The following RAB3C variants were observed in gnomAD, a reference collection of about 807,000 sequenced individuals.
RAB3C encodes the protein RAB3C, member RAS oncogene family, also known as ras-related protein Rab-3C.
In RAB3C, 17 loss-of-function variants were observed where a neutral mutation model predicts 26.4. The observed-to-expected ratio is 0.64, with a 90% confidence interval of 0.44 to 0.97. RAB3C has a LOEUF of 0.97. Among genes scored for constraint, RAB3C ranks in the 50% least tolerant of loss-of-function variants. The probability of loss-of-function intolerance (pLI) is 0.00; values close to 1 mark genes in which losing one functional copy is unlikely to be tolerated. For missense variants in RAB3C, 242 were observed against 281.9 expected (o/e 0.86, Z 1.01); for synonymous variants, 91 against 95.9 (o/e 0.95, Z 0.30).
chr5:58,733,492 TTTG>T (rs1216875904), intron 3 of RAB3C, among the ~76,000 whole-genome samples: 1 of 152,122 alleles, frequency 6.6e-6, no homozygotes, highest in East Asian at 1.9e-4. Context: ...AAATCTACAG[TTTG>T]TTAAGGAGCA....
intron 2 of RAB3C, among the ~76,000 whole-genome samples, chr5:58,646,226 C>T (rs571853898): frequency 1.5e-3 from 236 of 152,286 alleles, no homozygotes; most frequent in Non-Finnish European, 2.7e-3. Context: ...TCTTCTCTCA[C>T]TGCACCTAGC....
At position 58,824,794 on chromosome 5, in the gene RAB3C, C is replaced by T. The variant is rs538654526; in HGVS notation, c.372-244C>T. Among the ~76,000 whole-genome samples the T allele has an allele frequency of 3.9e-5, 6 of 152,274 alleles. No homozygotes were observed. In the South Asian group the frequency reaches 1.0e-3, roughly 26 times the overall value. On this transcript the variant is annotated intron_variant, in intron 3 of 4. Transcript: ENST00000282878. ...GAAGAATCAGTAGTGGTATTAATCTCATTAAATACAAAAGAATTATTAGTA... is the reference window on the plus strand; with the variant it reads ...GAAGAATCAGTAGTGGTATTAATCTTATTAAATACAAAAGAATTATTAGTA...
intron 1 of RAB3C, among the ~76,000 whole-genome samples, chr5:58,587,810 AT>A (rs1261546547): frequency 6.6e-6 from 1 of 151,956 alleles, no homozygotes; most frequent in African/African-American, 2.4e-5. Flanking sequence ...TAGCTGTGGG[AT>A]TTTCCTGTGT....
chr5:58,795,683 C>A (rs1035027756), intron 3 of RAB3C, among the ~76,000 whole-genome samples: 1 of 152,094 alleles, frequency 6.6e-6, no homozygotes, highest in Non-Finnish European at 1.5e-5. Context: ...CTGGGCCTCC[C>A]AACCCATAGG....
At chr5:58,718,678 G>A (rs1336159300) in intron 2 of RAB3C, among the ~76,000 whole-genome samples, 1 of 152,086 alleles carries the variant, frequency 6.6e-6, no homozygotes, top group Admixed American at 6.6e-5. Context: ...AAGGACAACA[G>A]GTAGGGAGTT....
At chr5:58,686,708 A>G (rs537732824) in intron 2 of RAB3C, among the ~76,000 whole-genome samples, 1 of 151,918 alleles carries the variant, frequency 6.6e-6, no homozygotes, top group South Asian at 2.1e-4. Flanking sequence ...ACACACACAC[A>G]CACGCATGCA....
At chr5:58,837,828 G>A (rs931397209) in intron 4 of RAB3C, among the ~76,000 whole-genome samples, 1 of 152,048 alleles carries the variant, frequency 6.6e-6, no homozygotes, top group Non-Finnish European at 1.5e-5. Context: ...CAAAGTGCTG[G>A]GATTACAGGC....
At chr5:58,849,327 T>C (rs1285308100) in intron 4 of RAB3C, among the ~76,000 whole-genome samples, 3 of 152,142 alleles carry the variant, frequency 2.0e-5, no homozygotes, top group Non-Finnish European at 4.4e-5. Context: ...TGGTATCTTA[T>C]GACATAAAGC....
At chr5:58,609,696 A>C (rs894023789) in intron 1 of RAB3C, among the ~76,000 whole-genome samples, 1 of 152,222 alleles carries the variant, frequency 6.6e-6, no homozygotes, top group African/African-American at 2.4e-5. Flanking sequence ...GCATCTTGAA[A>C]GCATTACCAT....
intron 4 of RAB3C, among the ~76,000 whole-genome samples, chr5:58,843,564 A>C (rs1292622001): frequency 6.6e-6 from 1 of 152,240 alleles, no homozygotes; most frequent in Non-Finnish European, 1.5e-5. Flanking sequence ...TTATCTCTTT[A>C]TTAAAACCAA....
rs544232177 is a variant in RAB3C at position 58,698,818 on chromosome 5, C to T, written c.253-27184C>T. Among the ~76,000 whole-genome samples, 183 of 152,240 alleles carry T rather than the reference C, an allele frequency of 1.2e-3. 1 individual carries two copies. The highest frequency in any genetic ancestry group is 2.0e-3 in the Non-Finnish European group (139 of 68,010). On this transcript the variant is annotated intron_variant, in intron 2 of 4. Coordinates refer to ENST00000282878, the MANE Select transcript of RAB3C (RefSeq NM_138453.4). ...CTCTACACTGTTTATTCTAGTTAGC[C>T]ATTCGCCTAATCTTTTTTCAATGTG...
At chr5:58,817,401 A>G (rs59459977) in intron 3 of RAB3C, among the ~76,000 whole-genome samples, 16,580 of 152,164 alleles carry the variant, frequency 0.11, 2,774 homozygotes, top group African/African-American at 0.36. Flanking sequence ...TGTTATTTAT[A>G]AATGAATTAA....
chr5:58,793,531 CAA>C (rs55868904), intron 3 of RAB3C, among the ~76,000 whole-genome samples: 57 of 68,964 alleles, frequency 8.3e-4, no homozygotes, highest in South Asian at 3.3e-3. Flanking sequence ...CACTCCACCT[CAA>C]AAAAAAAAAA....
chr5:58,593,234 C>G (rs977534676), intron 1 of RAB3C, among the ~76,000 whole-genome samples: 1 of 151,902 alleles, frequency 6.6e-6, no homozygotes, highest in Non-Finnish European at 1.5e-5. Flanking sequence ...TGTACTTTTC[C>G]TTTTAGGCTC....
chr5:58,775,909 A>C (rs1242089527), intron 3 of RAB3C, among the ~76,000 whole-genome samples: 3 of 151,892 alleles, frequency 2.0e-5, no homozygotes, highest in African/African-American at 7.3e-5. Flanking sequence ...CCTGCAGGCA[A>C]CTCTAGGTTT....
At chr5:58,801,025 A>G (rs1742795831) in intron 3 of RAB3C, among the ~76,000 whole-genome samples, 2 of 152,174 alleles carry the variant, frequency 1.3e-5, no homozygotes, top group Admixed American at 1.3e-4. Flanking sequence ...ACACAACAGG[A>G]TATCACTGGG....
intron 2 of RAB3C, among the ~76,000 whole-genome samples, chr5:58,693,547 T>C (rs1748623770): frequency 6.6e-6 from 1 of 151,936 alleles, no homozygotes. Context: ...TGTTTACTGT[T>C]CTTTGATTAA....
intron 1 of RAB3C, among the ~76,000 whole-genome samples, chr5:58,600,438 C>CATTT (rs1189162804): frequency 1.3e-5 from 2 of 151,952 alleles, no homozygotes; most frequent in African/African-American, 4.8e-5. Flanking sequence ...GCAGTATGGT[C>CATTT]ATTTTCACAA....
Position 58,859,201 on chromosome 5 carries a change from G to T in RAB3C, c.*7850G>T, listed in dbSNP as rs887721459. On this transcript the variant is annotated 3_prime_UTR_variant, in exon 5 of 5. Coordinates refer to ENST00000282878, the MANE Select transcript of RAB3C (RefSeq NM_138453.4). The stretch of plus-strand genomic sequence containing the variant: ...TGTGTCCACAGGAGCTCTTGTGTGG[G>T]TTTAAAGCTATGAAGTGTATTCACA... The T allele has an allele frequency of 6.6e-6, 1 of 152,212 alleles. No homozygotes were observed. Among genetic ancestry groups the T allele is most frequent in the African/African-American group, 2.4e-5 (1 of 41,462 alleles). The allele number at this position is 152,212 out of a possible 1,614,324, so 9.4% of individuals were successfully genotyped here.
Sources: allele counts gnomAD v4.1 joint callset (sites outside exome capture counted in the v4.1 genomes callset), GRCh38; gene constraint gnomAD v4.1.1; transcripts MANE v1.5; gene names NCBI Gene and HGNC (gene_info 2026-07-23, HGNC 2026-07-21).